The following LRRTM4 variants were observed in gnomAD, a reference collection of about 807,000 sequenced individuals.
LRRTM4 encodes leucine-rich repeat transmembrane neuronal protein 4.
LRRTM4 carries 25 observed loss-of-function variants against 47.6 expected under a neutral mutation model. That is an observed-to-expected ratio of 0.53 (90% confidence interval 0.38 to 0.73). LRRTM4 has a LOEUF of 0.73. Ranked by LOEUF, LRRTM4 falls within the 30% of genes least tolerant of loss-of-function variation. The probability of loss-of-function intolerance (pLI) is 0.00; values close to 1 mark genes in which losing one functional copy is unlikely to be tolerated. For synonymous variants in LRRTM4, 311 were observed against 269.5 expected, an observed-to-expected ratio of 1.15 and a Z score of -1.51; for missense variants, 638 against 713.4, an observed-to-expected ratio of 0.89 and a Z score of 1.20.
chr2:76,788,499 G>C (rs184977721), intron 3 of LRRTM4, among the ~76,000 whole-genome samples: 28 of 152,288 alleles, frequency 1.8e-4, no homozygotes, highest in Non-Finnish European at 2.1e-4. Context: ...AGAGTGTAAT[G>C]CTCTCTATTT....
At chr2:77,021,053 A>G (rs1297337733) in intron 3 of LRRTM4, among the ~76,000 whole-genome samples, 2 of 152,168 alleles carry the variant, frequency 1.3e-5, no homozygotes, top group African/African-American at 2.4e-5. Flanking sequence ...CCCTGGAACA[A>G]TAAGAAGCCA....
intron 3 of LRRTM4, among the ~76,000 whole-genome samples, chr2:77,499,552 A>G (rs1201406459): frequency 6.6e-6 from 1 of 151,862 alleles, no homozygotes; most frequent in Non-Finnish European, 1.5e-5. Context: ...TTAGTTCCTC[A>G]CTCTATCTTT....
intron 3 of LRRTM4, among the ~76,000 whole-genome samples, chr2:76,880,906 A>C (rs1298382728): frequency 6.6e-6 from 1 of 152,328 alleles, no homozygotes; most frequent in East Asian, 1.9e-4. Flanking sequence ...TAAAATAATC[A>C]GTTTTAAAAG....
At chr2:76,982,833 G>A (rs1424826701) in intron 3 of LRRTM4, among the ~76,000 whole-genome samples, 1 of 151,954 alleles carries the variant, frequency 6.6e-6, no homozygotes, top group Non-Finnish European at 1.5e-5. Context: ...TCAAATACAG[G>A]AAACACTTGC....
intron 3 of LRRTM4, among the ~76,000 whole-genome samples, chr2:76,963,514 G>A (rs1675930342): frequency 6.6e-6 from 1 of 150,780 alleles, no homozygotes. Context: ...ATTTGATTCA[G>A]AAATAATTTA....
chr2:77,282,682 A>G (rs144451650), intron 3 of LRRTM4, among the ~76,000 whole-genome samples: 118 of 151,972 alleles, frequency 7.8e-4, no homozygotes, highest in African/African-American at 2.6e-3. Context: ...AACCCGGAAA[A>G]TAAGTTGAAC....
chr2:76,833,609 A>C (rs1671420717), intron 3 of LRRTM4, among the ~76,000 whole-genome samples: 1 of 151,912 alleles, frequency 6.6e-6, no homozygotes, highest in Non-Finnish European at 1.5e-5. Flanking sequence ...TAATATAATA[A>C]TATTGTAAGA....
intron 3 of LRRTM4, among the ~76,000 whole-genome samples, chr2:76,802,934 A>G (rs867989319): frequency 4.2e-4 from 64 of 152,280 alleles, no homozygotes; most frequent in African/African-American, 1.4e-3. Context: ...TTCTTATACC[A>G]TACCCAAAAA....
At position 77,042,381 on chromosome 2, in the gene LRRTM4, T is replaced by TTC. The variant is rs1558544955; in HGVS notation, c.1552-293467_1552-293466dup. ...AAATTCTGTGTTCAATGTTACACTT[T>TTC]TCTGTACATATGCACAAATATGTAA... On this transcript the variant is annotated intron_variant, in intron 3 of 3. Transcript: ENST00000409884. 2.6e-5 allele frequency among the ~76,000 whole-genome samples: 4 copies of TTC among 151,666 alleles called. No individual in the cohort carries two copies. The South Asian group carries it at 6.2e-4, about 24-fold the overall frequency.
chr2:77,025,442 G>A (rs1167217973), intron 3 of LRRTM4, among the ~76,000 whole-genome samples: 1 of 152,112 alleles, frequency 6.6e-6, no homozygotes, highest in East Asian at 1.9e-4. Flanking sequence ...GCTCCCTGGT[G>A]GGTGGGTGGG....
chr2:77,111,931 T>C (rs1018007837), intron 3 of LRRTM4, among the ~76,000 whole-genome samples: 9 of 152,208 alleles, frequency 5.9e-5, no homozygotes, highest in Non-Finnish European at 1.3e-4. Context: ...GTGCATAGTA[T>C]ACATAGAATT....
chr2:77,247,477 T>C (rs541707410), intron 3 of LRRTM4, among the ~76,000 whole-genome samples: 2 of 152,258 alleles, frequency 1.3e-5, no homozygotes, highest in South Asian at 2.1e-4. Flanking sequence ...CCTAGACAGG[T>C]GCTTTAGAAA....
intron 3 of LRRTM4, among the ~76,000 whole-genome samples, chr2:76,756,291 C>G (rs1352766585): frequency 2.0e-5 from 3 of 152,128 alleles, no homozygotes; most frequent in African/African-American, 7.2e-5. Context: ...CCTGTAAGCC[C>G]TGGCTTCCGT....
intron 3 of LRRTM4, among the ~76,000 whole-genome samples, chr2:76,876,733 A>G (rs556887028): frequency 2.0e-4 from 31 of 152,122 alleles, no homozygotes; most frequent in African/African-American, 7.5e-4. Flanking sequence ...TTTTTAATAT[A>G]TCAACAGCTT....
chr2:77,232,126 G>T (rs1191646485), intron 3 of LRRTM4, among the ~76,000 whole-genome samples: 1 of 152,076 alleles, frequency 6.6e-6, no homozygotes, highest in African/African-American at 2.4e-5. Flanking sequence ...GCACACATTG[G>T]GTGGTAAGAC....
intron 3 of LRRTM4, among the ~76,000 whole-genome samples, chr2:76,881,639 C>CT (rs1055658161): frequency 5.3e-4 from 81 of 151,848 alleles, no homozygotes; most frequent in Non-Finnish European, 2.8e-4. Context: ...TGAACTACTT[C>CT]TTTTTTTCTA....
At chr2:77,422,897 T>C (rs1275369602) in intron 3 of LRRTM4, among the ~76,000 whole-genome samples, 4 of 152,080 alleles carry the variant, frequency 2.6e-5, no homozygotes, top group Non-Finnish European at 5.9e-5. Context: ...ATAAAAGTTT[T>C]TAAAGTTTAC....
chr2:76,838,185 A>T (rs1259813486), intron 3 of LRRTM4, among the ~76,000 whole-genome samples: 1 of 152,030 alleles, frequency 6.6e-6, no homozygotes. Flanking sequence ...AAGTCTCATT[A>T]AAGTCAAGAA....
chr2:76,807,816 C>T (rs1374621966), intron 3 of LRRTM4, among the ~76,000 whole-genome samples: 3 of 151,780 alleles, frequency 2.0e-5, no homozygotes, highest in East Asian at 3.9e-4. Context: ...CTCCTGACCT[C>T]GTGATCCGCC....
Sources: allele counts gnomAD v4.1 joint callset (sites outside exome capture counted in the v4.1 genomes callset), GRCh38; gene constraint gnomAD v4.1.1; transcripts MANE v1.5; gene names NCBI Gene and HGNC (gene_info 2026-07-23, HGNC 2026-07-21).